The following DPYD variants were observed in gnomAD, a reference collection of about 807,000 sequenced individuals.
DPYD encodes the protein dihydropyrimidine dehydrogenase.
In DPYD, 109 loss-of-function variants were observed where a neutral mutation model predicts 116.2. The ratio of observed to expected loss-of-function variants is 0.94; its 90% CI spans 0.80 to 1.10. DPYD has a LOEUF of 1.10. DPYD is among the 50% of genes least tolerant of loss of function. The pLI is 0.00. For synonymous variants in DPYD, 440 were observed against 432.0 expected (o/e 1.02, Z -0.23); for missense variants, 1,302 against 1,254.5 (o/e 1.04, Z -0.57).
chr1:97,499,947 A>G (rs1259183041), intron 13 of DPYD, among the ~76,000 whole-genome samples: 1 of 151,950 alleles, frequency 6.6e-6, no homozygotes, highest in African/African-American at 2.4e-5. Flanking sequence ...ATGGTAATAG[A>G]GGCAATCATT....
At chr1:97,525,204 G>A (rs1648963804) in intron 12 of DPYD, among the ~76,000 whole-genome samples, 1 of 152,078 alleles carries the variant, frequency 6.6e-6, no homozygotes, top group South Asian at 2.1e-4. Flanking sequence ...CGCAGCACAG[G>A]AATCACAGTA....
chr1:97,323,569 ACG>A (rs1491144703), intron 16 of DPYD, among the ~76,000 whole-genome samples: 2 of 104,966 alleles, frequency 1.9e-5, no homozygotes, highest in South Asian at 6.8e-4. Flanking sequence ...GTATATATAC[ACG>A]TATATATACA....
chr1:97,572,064 C>CATAAATTCTACTTA (rs1652937897), intron 11 of DPYD, among the ~76,000 whole-genome samples: 2 of 151,628 alleles, frequency 1.3e-5, no homozygotes, highest in African/African-American at 4.8e-5. Context: ...TTTCTACAGG[C>CATAAATTCTACTTA]AGTTTATTAT....
chr1:97,351,060 T>G (rs1287379937), intron 16 of DPYD, among the ~76,000 whole-genome samples: 1 of 152,168 alleles, frequency 6.6e-6, no homozygotes, highest in Non-Finnish European at 1.5e-5. Flanking sequence ...ATAAATAATT[T>G]CCCTGTGACA....
At chr1:97,261,220 C>T (rs894580580) in intron 18 of DPYD, among the ~76,000 whole-genome samples, 10 of 151,926 alleles carry the variant, frequency 6.6e-5, no homozygotes, top group Non-Finnish European at 1.2e-4. Flanking sequence ...TCAGAAAAGG[C>T]TTTTAATATA....
chr1:97,398,207 T>C (rs959849187), intron 14 of DPYD, among the ~76,000 whole-genome samples: 1 of 152,156 alleles, frequency 6.6e-6, no homozygotes, highest in African/African-American at 2.4e-5. Context: ...TTTGGATTTC[T>C]GTCCTTGCGA....
At chr1:97,377,202 C>T (rs1464223118) in intron 15 of DPYD, among the ~76,000 whole-genome samples, 1 of 151,690 alleles carries the variant, frequency 6.6e-6, no homozygotes, top group African/African-American at 2.4e-5. Flanking sequence ...AAGGCTAACA[C>T]AGGAAATGAA....
At chr1:97,412,359 T>C (rs563918183) in intron 14 of DPYD, among the ~76,000 whole-genome samples, 2 of 152,224 alleles carry the variant, frequency 1.3e-5, no homozygotes, top group South Asian at 4.1e-4. Flanking sequence ...AATGTTGATA[T>C]CAATGCTGTT....
At chr1:97,477,822 T>G (rs1024893164) in intron 13 of DPYD, among the ~76,000 whole-genome samples, 3 of 151,690 alleles carry the variant, frequency 2.0e-5, no homozygotes, top group African/African-American at 7.3e-5. Context: ...GGGTTTCACC[T>G]TGTTAGCCAG....
At chr1:97,725,591 G>A (rs1663208159) in intron 4 of DPYD, among the ~76,000 whole-genome samples, 1 of 151,578 alleles carries the variant, frequency 6.6e-6, no homozygotes, top group Non-Finnish European at 1.5e-5. Context: ...CTGACATGAG[G>A]ATAAGCATGT....
At chr1:97,496,404 A>G (rs1280038528) in intron 13 of DPYD, among the ~76,000 whole-genome samples, 2 of 152,012 alleles carry the variant, frequency 1.3e-5, no homozygotes, top group Admixed American at 1.3e-4. Flanking sequence ...TTTCTACACT[A>G]TTATCAGATA....
chr1:97,566,097 C>T (rs931419456), intron 11 of DPYD, among the ~76,000 whole-genome samples: 8 of 152,150 alleles, frequency 5.3e-5, no homozygotes, highest in Admixed American at 4.6e-4. Flanking sequence ...ACACATCACT[C>T]AGACTTCAAT....
At chr1:97,335,053 T>A (rs893749155) in intron 16 of DPYD, among the ~76,000 whole-genome samples, 4 of 152,148 alleles carry the variant, frequency 2.6e-5, no homozygotes, top group African/African-American at 4.8e-5. Flanking sequence ...TGTGACAAAC[T>A]TCTAGAGAAA....
intron 16 of DPYD, among the ~76,000 whole-genome samples, chr1:97,341,937 T>C (rs1332446682): frequency 6.6e-6 from 1 of 152,190 alleles, no homozygotes; most frequent in Non-Finnish European, 1.5e-5. Flanking sequence ...AAATAGGAGA[T>C]TTGTTTTCAG....
chr1:97,291,764 C>G (rs1437411981), intron 18 of DPYD, among the ~76,000 whole-genome samples: 1 of 151,896 alleles, frequency 6.6e-6, no homozygotes, highest in African/African-American at 2.4e-5. Flanking sequence ...GTGCAGCACA[C>G]CAGCATGGCA....
At chr1:97,171,933 C>T (rs1387762736) in intron 20 of DPYD, among the ~76,000 whole-genome samples, 12 of 152,044 alleles carry the variant, frequency 7.9e-5, no homozygotes, top group Non-Finnish European at 1.5e-4. Flanking sequence ...AATTGTAATG[C>T]TAACATATGG....
At chr1:97,357,994 G>A (rs942490232) in intron 16 of DPYD, among the ~76,000 whole-genome samples, 1 of 152,156 alleles carries the variant, frequency 6.6e-6, no homozygotes, top group Non-Finnish European at 1.5e-5. Context: ...GAAGCAGTGG[G>A]GGTGTCACCT....
At chr1:97,292,597 T>C (rs1380131606) in intron 18 of DPYD, among the ~76,000 whole-genome samples, 2 of 152,136 alleles carry the variant, frequency 1.3e-5, no homozygotes, top group African/African-American at 4.8e-5. Flanking sequence ...GGCCAAACCA[T>C]ATCACAAGCC....
intron 20 of DPYD, among the ~76,000 whole-genome samples, chr1:97,161,811 A>T (rs1420261212): frequency 1.4e-5 from 2 of 144,712 alleles, no homozygotes; most frequent in African/African-American, 5.2e-5. Flanking sequence ...TATGAGTGAG[A>T]ACATGGGGTG....
Sources: gnomAD v4.1 joint callset for allele counts (sites outside exome capture counted in the v4.1 genomes callset) on GRCh38, gnomAD v4.1.1 for gene constraint, MANE v1.5 for transcripts, NCBI Gene and HGNC (gene_info 2026-07-23, HGNC 2026-07-21) for gene names.